CCDC187: variants seen among roughly 807,000 people sequenced by gnomAD.
The protein encoded by CCDC187 is coiled-coil domain containing 187.
A neutral mutation model predicts 38.0 loss-of-function variants in CCDC187; 32 were observed. That is an observed-to-expected ratio of 0.84 (90% CI 0.64 to 1.13). The LOEUF (loss-of-function observed/expected upper bound fraction) is 1.13, where lower values mean the gene tolerates loss of function less well. CCDC187 is among the 50% of genes most tolerant of loss of function. CCDC187 has a pLI of 0.00. For synonymous variants in CCDC187, 333 were observed against 347.9 expected (o/e 0.96, Z 0.48); for missense variants, 707 against 786.8 (o/e 0.90, Z 1.21).
rs990875965 is a variant in CCDC187, at chr9:136,284,133, A to C, written c.2927+1380T>G. Among the ~76,000 whole-genome samples the C allele has an allele frequency of 5.7e-4, 86 of 151,808 alleles. 1 individual carries two copies. Among genetic ancestry groups the C allele is most frequent in the African/African-American group, 1.8e-3 (74 of 41,380 alleles). ...TCCCAGCAGGAGGAGAGGGGAGGGG[A>C]GGGGCAGGGAAAGGAGGGAAGGCTG... On this transcript the variant is annotated intron_variant, in intron 9 of 25. Coordinates refer to ENST00000638797, the MANE Select transcript of CCDC187 (RefSeq NM_001378188.1).
chr9:136,290,685 A>G lies in CCDC187; in HGVS notation c.1928T>C (p.Met643Thr), dbSNP rs1831302842. The change falls in exon 6 of 26, where the codon ATG becomes ACG. Residue 643 changes from methionine to threonine, a missense_variant. Coordinates refer to ENST00000638797, the MANE Select transcript of CCDC187 (RefSeq NM_001378188.1). ...CCGCCGGGCCTGCGCCTTCTGGCGCATGAACTCCCGCAAGGACTCAGAGCT... is the reference window on the plus strand; with the variant it reads ...CCGCCGGGCCTGCGCCTTCTGGCGCGTGAACTCCCGCAAGGACTCAGAGCT... Reference protein sequence around the residue: ...SHSSESLREFMRQKAQARRRQ... With the variant: ...SHSSESLREFTRQKAQARRRQ... The G allele has an allele frequency of 2.0e-5, 8 of 398,378 alleles. No homozygotes were observed. Among genetic ancestry groups the G allele is most frequent in the Non-Finnish European group, 3.5e-5 (8 of 226,028 alleles). The allele number at this position is 398,378 out of a possible 1,614,324, so 24.7% of individuals were successfully genotyped here. A position where few individuals can be genotyped will look rare whatever the true frequency, so the allele number is the denominator to read the frequency against.
intron 14 of CCDC187, among the ~76,000 whole-genome samples, chr9:136,271,128 G>A (rs1830832861): frequency 6.6e-6 from 1 of 152,218 alleles, no homozygotes; most frequent in Non-Finnish European, 1.5e-5. Context: ...GTGAGAGAAA[G>A]AGGAGCAAAA....
At chr9:136,292,521 C>G (rs1019398672) in intron 4 of CCDC187, among the ~76,000 whole-genome samples, 2 of 152,196 alleles carry the variant, frequency 1.3e-5, no homozygotes, top group African/African-American at 2.4e-5. Flanking sequence ...GGTGGCTTCC[C>G]TGACCCTCAG....
intron 4 of CCDC187, among the ~76,000 whole-genome samples, chr9:136,295,322 C>G (rs1831508886): frequency 6.6e-6 from 1 of 152,222 alleles, no homozygotes; most frequent in African/African-American, 2.4e-5. Flanking sequence ...ACTCACTTCC[C>G]CATTAGCCCG....
chr9:136,280,685 C>T (rs1444046742), intron 10 of CCDC187, among the ~76,000 whole-genome samples: 3 of 152,126 alleles, frequency 2.0e-5, no homozygotes, highest in Admixed American at 6.5e-5. Flanking sequence ...GGCTCCAGCC[C>T]AAGGCTTTGA....
upstream of CCDC187, among the ~76,000 whole-genome samples, chr9:136,306,533 T>C (rs1831806561): frequency 6.6e-6 from 1 of 152,116 alleles, no homozygotes; most frequent in South Asian, 2.1e-4. Context: ...GGCAAATGCT[T>C]GATGACTTAT....
intron 11 of CCDC187, 135 bp downstream of exon 11, chr9:136,276,516 A>C (rs1272395590): frequency 1.3e-5 from 2 of 149,876 alleles, no homozygotes; most frequent in African/African-American, 2.5e-5. Context: ...CCTCCCTCTC[A>C]CCCGGCCACT....
At chr9:136,302,081 G>A (rs1831699496) in intron 2 of CCDC187, among the ~76,000 whole-genome samples, 2 of 151,852 alleles carry the variant, frequency 1.3e-5, no homozygotes, top group Non-Finnish European at 2.9e-5. Context: ...ATAGTGACGG[G>A]TGCCTGTAAT....
chr9:136,262,173 G>A lies in CCDC187; in HGVS notation c.4064+138C>T, dbSNP rs1029207126. 2.5e-4 allele frequency: 190 copies of A among 751,964 alleles called. 2 individuals carry two copies. Among genetic ancestry groups the A allele is most frequent in the Admixed American group, 3.7e-4 (6 of 16,004 alleles). The allele number at this position is 751,964 out of a possible 1,614,324, so 46.6% of individuals were successfully genotyped here. On this transcript the variant is annotated intron_variant, in intron 19 of 25. Coordinates refer to ENST00000638797, the MANE Select transcript of CCDC187 (RefSeq NM_001378188.1). ...GAACAGCCCCCAGCCACCCTGGGAG[G>A]GGATGCCCAGGGCTACACGTGCCAC... is the stretch of plus-strand genomic sequence containing the variant.
At position 136,259,400 on chromosome 9, in the gene CCDC187, C is replaced by G. The variant is rs1426466086; in HGVS notation, c.4259G>C (p.Ser1420Thr). 1.4e-5 allele frequency: 14 copies of G among 985,222 alleles called. No homozygotes were observed. In the African/African-American group the frequency reaches 2.3e-4, roughly 16 times the overall value. The allele number at this position is 985,222 out of a possible 1,614,324, so 61.0% of individuals were successfully genotyped here. Residue 1420 changes from serine (S) to threonine (T), a missense_variant, in exon 21 of 26, where the codon AGC becomes ACC. Transcript: ENST00000638797. ...RAPLLGLQHV[S>T]PPDGQRLGPA... ...GCCCAGCCGCTGTCCGTCCGGGGGG[C>G]TCACGTGCTGCAGGCCCAGCAGAGG... is the stretch of plus-strand genomic sequence containing the variant.
At chr9:136,301,225 T>C (rs1295871084) in intron 2 of CCDC187, among the ~76,000 whole-genome samples, 6 of 152,174 alleles carry the variant, frequency 3.9e-5, no homozygotes, top group Admixed American at 3.9e-4. Context: ...GGAAGGTACA[T>C]GGGGAATTGG....
At chr9:136,292,761 T>G (rs980879731) in intron 4 of CCDC187, among the ~76,000 whole-genome samples, 14 of 152,180 alleles carry the variant, frequency 9.2e-5, no homozygotes, top group African/African-American at 3.4e-4. Context: ...CTGTCACCGC[T>G]GGCCACGTGT....
intron 2 of CCDC187, among the ~76,000 whole-genome samples, chr9:136,302,572 G>A (rs1442622498): frequency 6.6e-6 from 1 of 152,222 alleles, no homozygotes; most frequent in East Asian, 1.9e-4. Context: ...GGCCCTGTGT[G>A]CCCCTCCCTC....
chr9:136,274,286 C>T (rs893952848), intron 14 of CCDC187, among the ~76,000 whole-genome samples: 1 of 152,264 alleles, frequency 6.6e-6, no homozygotes, highest in Non-Finnish European at 1.5e-5. Flanking sequence ...GCCGCATTCA[C>T]CCTCCCTGGG....
At position 136,258,131 on chromosome 9, in the gene CCDC187, C is replaced by CG. The variant is rs1293047459; in HGVS notation, c.4366+800dup. ...GAACAGCGCAGGCCCGGAGGTGACG[C>CG]GGGACACAGAGGGAAAGCGCTCTGT... is the stretch of plus-strand genomic sequence containing the variant. On this transcript the variant is annotated intron_variant, in intron 22 of 25. Coordinates refer to ENST00000638797, the MANE Select transcript of CCDC187 (RefSeq NM_001378188.1). This position sits in a 1 kb window ranked among gnomAD's most constrained non-coding sequence, Gnocchi z 4.3. 8.5e-5 allele frequency among the ~76,000 whole-genome samples: 13 copies of CG among 152,234 alleles called. No homozygotes were observed. The highest frequency in any genetic ancestry group is 2.6e-4 in the Admixed American group (4 of 15,306).
At chr9:136,294,118 TCTCACACTC>T (rs1831472102) in intron 4 of CCDC187, among the ~76,000 whole-genome samples, 5 of 57,256 alleles carry the variant, frequency 8.7e-5, no homozygotes, top group Admixed American at 4.0e-4. Flanking sequence ...ACTCACACAC[TCTCACACTC>T]ATACACACGC....
upstream of CCDC187, among the ~76,000 whole-genome samples, chr9:136,305,783 G>A (rs1831793464): frequency 6.6e-6 from 1 of 152,234 alleles, no homozygotes; most frequent in Non-Finnish European, 1.5e-5. Flanking sequence ...AGCAAACCCA[G>A]CGAGCAGAGC....
At chr9:136,292,709 C>T (rs1339463038) in intron 4 of CCDC187, among the ~76,000 whole-genome samples, 16 of 152,234 alleles carry the variant, frequency 1.1e-4, no homozygotes, top group Non-Finnish European at 4.4e-5. Flanking sequence ...CCCCACCCTC[C>T]GCTCCGTGCT....
At chr9:136,269,676 C>T (rs781794750) in intron 14 of CCDC187, among the ~76,000 whole-genome samples, 9 of 152,010 alleles carry the variant, frequency 5.9e-5, no homozygotes, top group Non-Finnish European at 1.2e-4. Flanking sequence ...GGAATGTTTA[C>T]AAGAATACAA....
Sources: gnomAD v4.1 joint callset for allele counts (sites outside exome capture counted in the v4.1 genomes callset) on GRCh38, gnomAD v4.1.1 for gene constraint, Gnocchi (gnomAD v3.1) non-coding constraint, MANE v1.5 for transcripts, NCBI Gene and HGNC (gene_info 2026-07-23, HGNC 2026-07-21) for gene names.